Variants in TTLL3 observed in about 807,000 individuals in gnomAD.
TTLL3 encodes the protein tubulin tyrosine ligase like 3.
In TTLL3, 63 loss-of-function variants were observed where a neutral mutation model predicts 75.2. The observed-to-expected ratio is 0.84, with a 90% CI of 0.68 to 1.03. The LOEUF (loss-of-function observed/expected upper bound fraction) is 1.03, where lower values mean the gene tolerates loss of function less well. TTLL3 is among the 50% of genes least tolerant of loss of function. TTLL3 has a pLI of 0.00. For missense variants in TTLL3, 997 were observed against 1,069.9 expected, an observed-to-expected ratio of 0.93 and a Z score of 0.95; for synonymous variants, 393 against 418.5, an observed-to-expected ratio of 0.94 and a Z score of 0.74.
chr3:9,810,165 C>T, upstream of TTLL3: 1 of 1,471,916 alleles, frequency 6.8e-7, no homozygotes, highest in Non-Finnish European at 8.9e-7. The surrounding 1 kb of genome is among the most constrained non-coding windows in gnomAD (Gnocchi z 4.4). Flanking sequence ...CCTCGGCGCG[C>T]CGCTCCGAGT....
rs918153093 is a variant in TTLL3 at position 9,829,392 on chromosome 3, G to A, written c.1680G>A (p.Lys560=). Residue 560 remains lysine (K), a synonymous_variant, in exon 11 of 14, where the codon AAG becomes AAA. Coordinates refer to ENST00000685419, the MANE Select transcript of TTLL3 (RefSeq NM_001387446.1). The part of the protein sequence containing the change: ...CDTGAFELIY[K]QPAVEVPQYV... ...CAGGAGCCTTTGAGCTCATCTATAA[G>A]CAGGTGAGGAGGTTGGGCCCAGGCA... The A allele has an allele frequency of 3.0e-5, 48 of 1,588,414 alleles. No individual in the cohort carries two copies. The highest frequency in any genetic ancestry group is 4.0e-5 in the Non-Finnish European group (47 of 1,164,368).
chr3:9,832,844 G>A (rs1363641738), intron 11 of TTLL3, among the ~76,000 whole-genome samples: 1 of 152,228 alleles, frequency 6.6e-6, no homozygotes, highest in African/African-American at 2.4e-5. Context: ...GGGGCTGGGG[G>A]CAGCTTAGGA....
chr3:9,814,044 T>C (rs1180370336), intron 4 of TTLL3, among the ~76,000 whole-genome samples: 1 of 152,012 alleles, frequency 6.6e-6, no homozygotes, highest in East Asian at 1.9e-4. Flanking sequence ...ATACCTGTAA[T>C]CCCAGCACTT....
In TTLL3 at chr3:9,810,978, G is replaced by A. The variant is rs1320356701; in HGVS notation, c.48+269G>A. On this transcript the variant is annotated intron_variant, in intron 2 of 13. Transcript: ENST00000685419. This position sits in a 1 kb window ranked among gnomAD's most constrained non-coding sequence, Gnocchi z 4.4. The stretch of plus-strand genomic sequence containing the variant: ...GGAGCCAAACCCAGCAGTGCCTTTC[G>A]GTCTTGATCTCGGTTGGGCACCCTG... Among the ~76,000 whole-genome samples the A allele has an allele frequency of 6.6e-6, 1 of 152,076 alleles. No individual in the cohort carries two copies. The highest frequency in any genetic ancestry group is 2.4e-5 in the African/African-American group (1 of 41,400).
At position 9,817,817 on chromosome 3, in the gene TTLL3, T is replaced by G. The variant is rs559442590; in HGVS notation, c.559+58T>G. Reference sequence around the variant, plus strand: ...CAGGCTGACAGAGCAGGGCTGAAGCTCTGGCTCATATTGGAGAGAAACAGG... The same window carrying G: ...CAGGCTGACAGAGCAGGGCTGAAGCGCTGGCTCATATTGGAGAGAAACAGG... On this transcript the variant is annotated intron_variant, in intron 6 of 13. Coordinates refer to ENST00000685419, the MANE Select transcript of TTLL3 (RefSeq NM_001387446.1). The G allele has an allele frequency of 8.7e-6, 14 of 1,608,184 alleles. No homozygotes were observed. In the South Asian group the frequency reaches 1.5e-4, roughly 18 times the overall value.
intron 11 of TTLL3, 46 bp from the exon 12 acceptor site, chr3:9,833,058 C>T (rs372058129): frequency 3.7e-6 from 6 of 1,609,330 alleles, no homozygotes; most frequent in Non-Finnish European, 4.3e-6. Flanking sequence ...CCAAGGATTC[C>T]AGTACCACTG....
intron 8 of TTLL3, among the ~76,000 whole-genome samples, chr3:9,821,512 G>A (rs1042125523): frequency 8.5e-5 from 13 of 152,300 alleles, no homozygotes; most frequent in Middle Eastern, 6.8e-3. Flanking sequence ...AGCTGGGGTG[G>A]TGGTAATGGG....
At chr3:9,823,874 G>C (rs1427048783) in intron 8 of TTLL3, among the ~76,000 whole-genome samples, 1 of 152,222 alleles carries the variant, frequency 6.6e-6, no homozygotes, top group South Asian at 2.1e-4. Flanking sequence ...CAGCCATCTG[G>C]GGTATTTTGT....
chr3:9,818,980 C>T (rs2080156712), intron 7 of TTLL3, 60 bp downstream of exon 7: 2 of 1,607,790 alleles, frequency 1.2e-6, no homozygotes, highest in South Asian at 2.2e-5. Flanking sequence ...TCCGCCCTTC[C>T]ACCTATCTGC....
At chr3:9,818,117 C>T (rs2080062020) in intron 6 of TTLL3, 1 of 199,388 alleles carries the variant, frequency 5.0e-6, no homozygotes, top group Non-Finnish European at 1.0e-5. Flanking sequence ...ATTTCTAAGG[C>T]AGACTAGGTT....
chr3:9,824,095 T>C (rs2080783562), intron 8 of TTLL3, among the ~76,000 whole-genome samples: 1 of 152,172 alleles, frequency 6.6e-6, no homozygotes, highest in Non-Finnish European at 1.5e-5. Flanking sequence ...AGAGAACAAC[T>C]ACAGAAAATG....
upstream of TTLL3, chr3:9,810,125 C>T (rs890843562): frequency 3.9e-5 from 58 of 1,469,816 alleles, no homozygotes; most frequent in African/African-American, 7.6e-4. This position sits in a 1 kb window ranked among gnomAD's most constrained non-coding sequence, Gnocchi z 4.4. Flanking sequence ...CTGCGGAAGC[C>T]GCAGCCGCTC....
At chr3:9,812,717 A>G in intron 2 of TTLL3, 1 of 424,572 alleles carries the variant, frequency 2.4e-6, no homozygotes, top group Non-Finnish European at 3.9e-6. Context: ...TAATGCATGT[A>G]AGTGCTCAGC....
chr3:9,830,810 CTTT>C (rs879759786), intron 11 of TTLL3, among the ~76,000 whole-genome samples: 1 of 149,966 alleles, frequency 6.7e-6, no homozygotes, highest in Non-Finnish European at 1.5e-5. Context: ...CCCCAAATAT[CTTT>C]TTTTTTTGAG....
Position 9,820,551 on chromosome 3 carries a change from A to C in TTLL3, c.664A>C (p.Lys222Gln). ...AGGCCCCTCCCTATGTGCAGGAGAC[A>C]AGCAGCCCAAGAAACAGGAGAAAAA... is the stretch of plus-strand genomic sequence containing the variant. Reference protein sequence around the residue: ...QAVEEEASGDKQPKKQEKNPV... With the variant: ...QAVEEEASGDQQPKKQEKNPV... Residue 222 changes from lysine to glutamine, a missense_variant, in exon 8 of 14, where the codon AAG (lysine) becomes CAG (glutamine). By Grantham distance (53) the Lys-to-Gln change is moderately conservative. Coordinates refer to ENST00000685419, the MANE Select transcript of TTLL3 (RefSeq NM_001387446.1). 3 of 1,613,988 alleles carry C rather than the reference A, an allele frequency of 1.9e-6. No individual in the cohort carries two copies. The highest frequency in any genetic ancestry group is 1.7e-6 in the Non-Finnish European group (2 of 1,179,946).
At position 9,816,088 on chromosome 3, in the gene TTLL3, G is replaced by A. The variant is rs774275651; in HGVS notation, c.330G>A (p.Gln110=). 72 of 1,354,222 alleles carry A rather than the reference G, an allele frequency of 5.3e-5. No homozygotes were observed. The South Asian group carries it at 7.4e-4, about 14-fold the overall frequency. 83.9% of individuals were successfully genotyped at this position (1,354,222 alleles called of 1,614,324 possible). The change falls in exon 5 of 14, where the codon CAG becomes CAA. Residue 110 remains glutamine, a synonymous_variant. Transcript: ENST00000685419. The part of the protein sequence containing the change: ...GTHALMSRMV[Q]NEIPYFIWTT... Reference sequence around the variant, plus strand: ...TGTCTCCCCAGTCCCGCATGGTCCAGAATGAGATCCCCTACTTCATCTGGA... The same window carrying A: ...TGTCTCCCCAGTCCCGCATGGTCCAAAATGAGATCCCCTACTTCATCTGGA...
At chr3:9,833,756 G>A (rs977969686) in intron 12 of TTLL3, among the ~76,000 whole-genome samples, 1 of 152,120 alleles carries the variant, frequency 6.6e-6, no homozygotes, top group Non-Finnish European at 1.5e-5. Context: ...AATGAGGATC[G>A]CTTGAGCCCG....
In TTLL3 at chr3:9,813,265, G is replaced by A. The variant is rs199629064; in HGVS notation, c.235G>A (p.Glu79Lys). ...ATCCACAGAGGATGAAGATGAGGAC[G>A]AGGAGTTCCAGCCATCACAGCTGTT... ...TTEDEDEDED[E>K]EFQPSQLFDF... Residue 79 changes from glutamate to lysine, a missense_variant, in exon 4 of 14, where the codon GAG becomes AAG. Glu to Lys is a moderately conservative substitution (Grantham distance 56). Transcript: ENST00000685419. 32 of 1,614,118 alleles carry A rather than the reference G, an allele frequency of 2.0e-5. No homozygotes were observed. The highest frequency in any genetic ancestry group is 1.6e-4 in the Middle Eastern group (1 of 6,084).
At position 9,810,709 on chromosome 3, in the gene TTLL3, G is replaced by T; in HGVS notation, c.48G>T (p.Lys16Asn). 6.3e-7 allele frequency: 1 copy of T among 1,584,398 alleles called. No homozygotes were observed. Among genetic ancestry groups the T allele is most frequent in the East Asian group, 2.3e-5 (1 of 43,936 alleles). The change falls in exon 2 of 14, where the codon AAG becomes AAT. Residue 16 changes from lysine (K) to asparagine (N), a missense_variant and splice_region_variant. Transcript: ENST00000685419. This position sits in a 1 kb window ranked among gnomAD's most constrained non-coding sequence, Gnocchi z 4.4. ...NAKIYVERAV[K>N]QKKIFTIQGC... ...AAATCTACGTGGAGAGAGCTGTCAAGGTCAGAGGAGGGGCAGGGGCGCTTA... is the reference window on the plus strand; with the variant it reads ...AAATCTACGTGGAGAGAGCTGTCAATGTCAGAGGAGGGGCAGGGGCGCTTA...
Sources: gnomAD v4.1 joint callset for allele counts (sites outside exome capture counted in the v4.1 genomes callset) on GRCh38, gnomAD v4.1.1 for gene constraint, Gnocchi (gnomAD v3.1) non-coding constraint, MANE v1.5 for transcripts, NCBI Gene and HGNC (gene_info 2026-07-23, HGNC 2026-07-21) for gene names.